CSMD1: variants seen among roughly 807,000 people sequenced by gnomAD.
CSMD1 encodes CUB and Sushi multiple domains 1, also known as CUB and sushi domain-containing protein 1.
In CSMD1, 213 loss-of-function variants were observed where a neutral mutation model predicts 417.5. The observed-to-expected ratio is 0.51, with a 90% CI of 0.46 to 0.57. CSMD1 has a LOEUF of 0.57. Among genes scored for constraint, CSMD1 ranks in the 20% least tolerant of loss-of-function variants. The pLI is 0.00. For missense variants in CSMD1, 6,923 were observed against 4,529.7 expected, an observed-to-expected ratio of 1.53 and a Z score of -15.17; for synonymous variants, 2,862 against 1,736.8, an observed-to-expected ratio of 1.65 and a Z score of -16.11.
chr8:4,623,921 G>T (rs917192764), intron 2 of CSMD1, among the ~76,000 whole-genome samples: 2 of 152,030 alleles, frequency 1.3e-5, no homozygotes, highest in Non-Finnish European at 2.9e-5. Context: ...GATGGTGGTG[G>T]TGTTCCACGG....
chr8:3,979,858 A>G (rs1007029277), intron 5 of CSMD1, among the ~76,000 whole-genome samples: 2 of 152,230 alleles, frequency 1.3e-5, no homozygotes, highest in Non-Finnish European at 2.9e-5. Context: ...TTTCAGAGCT[A>G]TTTATACTGT....
At chr8:4,991,257 C>A (rs1296459622) in intron 1 of CSMD1, among the ~76,000 whole-genome samples, 1 of 152,184 alleles carries the variant, frequency 6.6e-6, no homozygotes, top group Non-Finnish European at 1.5e-5. Context: ...CCCCTGGTCC[C>A]TGAAAATAGG....
intron 7 of CSMD1, among the ~76,000 whole-genome samples, chr8:3,666,837 C>T (rs1798718239): frequency 6.6e-6 from 1 of 152,156 alleles, no homozygotes; most frequent in African/African-American, 2.4e-5. Context: ...CATTAAATCT[C>T]TTTTTCTTTA....
intron 5 of CSMD1, among the ~76,000 whole-genome samples, chr8:3,793,390 A>G (rs566270298): frequency 6.6e-6 from 1 of 152,146 alleles, no homozygotes; most frequent in South Asian, 2.1e-4. Flanking sequence ...AAACCAACCC[A>G]TATTTTTCCT....
At chr8:3,657,806 G>C (rs1241616216) in intron 7 of CSMD1, among the ~76,000 whole-genome samples, 1 of 152,070 alleles carries the variant, frequency 6.6e-6, no homozygotes, top group African/African-American at 2.4e-5. Flanking sequence ...TAACAAACAT[G>C]CACATTCTGC....
intron 3 of CSMD1, among the ~76,000 whole-genome samples, chr8:4,042,899 G>T (rs543809047): frequency 2.0e-5 from 3 of 149,600 alleles, no homozygotes; most frequent in African/African-American, 7.4e-5. Flanking sequence ...AGGCTGAGGT[G>T]GGAAGATTAT....
intron 1 of CSMD1, among the ~76,000 whole-genome samples, chr8:4,919,347 G>A (rs371143462): frequency 1.9e-4 from 29 of 152,082 alleles, no homozygotes; most frequent in African/African-American, 6.8e-4. Flanking sequence ...ATGAAACTTT[G>A]CTGGTACTTA....
chr8:3,467,143 A>G (rs1005289031), intron 12 of CSMD1, among the ~76,000 whole-genome samples: 1 of 152,258 alleles, frequency 6.6e-6, no homozygotes, highest in South Asian at 2.1e-4. Flanking sequence ...GTGGTCATTC[A>G]CTGTGAAATA....
intron 2 of CSMD1, among the ~76,000 whole-genome samples, chr8:4,539,009 A>T (rs553013656): frequency 6.6e-6 from 1 of 152,118 alleles, no homozygotes; most frequent in East Asian, 1.9e-4. Context: ...AAAATAACCT[A>T]CTCCCTTGTC....
intron 22 of CSMD1, among the ~76,000 whole-genome samples, chr8:3,344,934 C>A (rs1410477628): frequency 6.6e-6 from 1 of 152,100 alleles, no homozygotes; most frequent in African/African-American, 2.4e-5. Context: ...GTGTAAAAAC[C>A]ATTATTTGGT....
chr8:4,065,204 A>C (rs1799181810), intron 3 of CSMD1, among the ~76,000 whole-genome samples: 1 of 152,216 alleles, frequency 6.6e-6, no homozygotes. Context: ...ATAACTTCTT[A>C]TGAAAGAAAA....
intron 1 of CSMD1, among the ~76,000 whole-genome samples, chr8:4,750,151 G>T (rs992848046): frequency 3.9e-5 from 6 of 151,914 alleles, no homozygotes; most frequent in African/African-American, 1.2e-4. Flanking sequence ...GACTACAGGC[G>T]CCCGCCACCA....
intron 3 of CSMD1, among the ~76,000 whole-genome samples, chr8:4,250,910 G>C (rs971078850): frequency 5.3e-5 from 8 of 152,108 alleles, no homozygotes; most frequent in African/African-American, 1.7e-4. Context: ...TAAACAATAA[G>C]GTCTTAGTCA....
At chr8:3,197,619 C>A (rs1796774188) in intron 33 of CSMD1, among the ~76,000 whole-genome samples, 1 of 151,950 alleles carries the variant, frequency 6.6e-6, no homozygotes, top group Non-Finnish European at 1.5e-5. Context: ...GTGCCCGCCA[C>A]CACGCCCGGC....
chr8:4,200,431 C>A (rs896118069), intron 3 of CSMD1, among the ~76,000 whole-genome samples: 2 of 152,076 alleles, frequency 1.3e-5, no homozygotes, highest in African/African-American at 4.8e-5. Context: ...AGAATAACCC[C>A]ACAGCCGTCT....
chr8:3,336,813 A>G (rs891555498), intron 23 of CSMD1, among the ~76,000 whole-genome samples: 2 of 152,116 alleles, frequency 1.3e-5, no homozygotes, highest in African/African-American at 4.8e-5. Flanking sequence ...CAGGACAGGC[A>G]CAGCTCCTGT....
chr8:4,764,102 A>G (rs1308621587), intron 1 of CSMD1, among the ~76,000 whole-genome samples: 1 of 152,154 alleles, frequency 6.6e-6, no homozygotes, highest in Non-Finnish European at 1.5e-5. Flanking sequence ...CCACCTCCAG[A>G]GAGGTAATCT....
At chr8:3,668,265 C>G (rs990985697) in intron 7 of CSMD1, among the ~76,000 whole-genome samples, 1 of 152,118 alleles carries the variant, frequency 6.6e-6, no homozygotes, top group Non-Finnish European at 1.5e-5. Context: ...ATGAGTTCAG[C>G]CTGCGAAGAT....
chr8:4,740,141 C>T (rs1336002342), intron 1 of CSMD1, among the ~76,000 whole-genome samples: 2 of 152,090 alleles, frequency 1.3e-5, no homozygotes, highest in Non-Finnish European at 2.9e-5. Context: ...TCCCTCCCTG[C>T]AGGGATGACT....
Sources: allele counts gnomAD v4.1 joint callset (sites outside exome capture counted in the v4.1 genomes callset), GRCh38; gene constraint gnomAD v4.1.1; transcripts MANE v1.5; gene names NCBI Gene and HGNC (gene_info 2026-07-23, HGNC 2026-07-21).